Variants in FOXO1 observed in about 807,000 individuals in gnomAD.
FOXO1 encodes the protein forkhead box O1.
FOXO1 carries 6 observed loss-of-function variants against 44.1 expected under a neutral mutation model. The observed-to-expected ratio is 0.14, with a 90% CI of 0.07 to 0.27. FOXO1 has a LOEUF of 0.27. Among genes scored for constraint, FOXO1 ranks in the 10% least tolerant of loss-of-function variants. The pLI, the probability that FOXO1 is intolerant of heterozygous loss-of-function variation, is 1.00. For missense variants in FOXO1, 737 were observed against 888.8 expected (o/e 0.83, Z 2.17); for synonymous variants, 380 against 362.7 (o/e 1.05, Z -0.54).
At chr13:40,567,760 G>C (rs1874324994) in intron 1 of FOXO1, among the ~76,000 whole-genome samples, 1 of 152,064 alleles carries the variant, frequency 6.6e-6, no homozygotes, top group Non-Finnish European at 1.5e-5. Context: ...ACAAGATCAG[G>C]AGTTCGAGAC....
At chr13:40,619,359 T>A in intron 1 of FOXO1, 1 of 612,066 alleles carries the variant, frequency 1.6e-6, no homozygotes. Context: ...CCAGAGAAAG[T>A]TCAAATGAAT....
intron 1 of FOXO1, among the ~76,000 whole-genome samples, chr13:40,590,301 C>A (rs1200412029): frequency 6.6e-6 from 1 of 152,200 alleles, no homozygotes; most frequent in Non-Finnish European, 1.5e-5. Context: ...AACAAAACAA[C>A]ACAACAGGAA....
At chr13:40,624,337 A>AAAAG (rs1876716894) in intron 1 of FOXO1, among the ~76,000 whole-genome samples, 1 of 149,192 alleles carries the variant, frequency 6.7e-6, no homozygotes, top group Non-Finnish European at 1.5e-5. Context: ...AAAAAAAAAA[A>AAAAG]AAGATCACTC....
chr13:40,628,414 G>A lies in FOXO1; in HGVS notation c.630+37169C>T, dbSNP rs7331914. Among the ~76,000 whole-genome samples the A allele has an allele frequency of 3.7e-3, 563 of 150,994 alleles. 4 individuals are homozygous for A. Among genetic ancestry groups the A allele is most frequent in the African/African-American group, 0.011 (456 of 40,978 alleles). ...ACCCCGTGAGGGTTTCAGTCTTCCC[G>A]GGCACTCTCGCAACTTGTCTGGACA... On this transcript the variant is annotated intron_variant, in intron 1 of 2. Coordinates refer to ENST00000379561, the MANE Select transcript of FOXO1 (RefSeq NM_002015.4).
At chr13:40,593,085 G>A (rs904783361) in intron 1 of FOXO1, among the ~76,000 whole-genome samples, 2 of 152,046 alleles carry the variant, frequency 1.3e-5, no homozygotes, top group African/African-American at 2.4e-5. Flanking sequence ...GTGCAGTGGC[G>A]TGATCATTGC....
At chr13:40,600,087 G>A (rs55708275) in intron 1 of FOXO1, among the ~76,000 whole-genome samples, 32,640 of 151,988 alleles carry the variant, frequency 0.21, 5,198 homozygotes, top group East Asian at 0.64. Flanking sequence ...CTGACCCAGC[G>A]CTGAAAACTA....
At chr13:40,575,143 G>A (rs1874694729) in intron 1 of FOXO1, among the ~76,000 whole-genome samples, 1 of 151,782 alleles carries the variant, frequency 6.6e-6, no homozygotes, top group African/African-American at 2.4e-5. Flanking sequence ...ACCAGCCTGG[G>A]CAACACAATG....
intron 1 of FOXO1, among the ~76,000 whole-genome samples, chr13:40,563,226 G>A (rs1874112552): frequency 6.6e-6 from 1 of 152,174 alleles, no homozygotes; most frequent in African/African-American, 2.4e-5. Context: ...GCCAACCACT[G>A]CGCCTGAGCA....
chr13:40,605,670 T>C (rs1875969742), intron 1 of FOXO1, among the ~76,000 whole-genome samples: 1 of 152,180 alleles, frequency 6.6e-6, no homozygotes, highest in Non-Finnish European at 1.5e-5. Context: ...CACTCTGTTT[T>C]TTCCTGGTTC....
chr13:40,653,672 C>G (rs1877758842), intron 1 of FOXO1, among the ~76,000 whole-genome samples: 1 of 152,170 alleles, frequency 6.6e-6, no homozygotes, highest in Non-Finnish European at 1.5e-5. Flanking sequence ...TTTTTTACTG[C>G]AGTTACAAAA....
At position 40,556,021 on chromosome 13, in the gene FOXO1, T is replaced by C. The variant is rs1219357139; in HGVS notation, c.*3028A>G. 2 of 152,296 alleles carry C rather than the reference T, an allele frequency of 1.3e-5. No homozygotes were observed. The highest frequency in any genetic ancestry group is 2.9e-5 in the Non-Finnish European group (2 of 68,038). The allele number at this position is 152,296 out of a possible 1,614,324, so 9.4% of individuals were successfully genotyped here. ...CCAACTGTAATGCCAGGTTGGTCTG[T>C]TCGCATAAACCACAATACATTTTTT... is the stretch of plus-strand genomic sequence containing the variant. On this transcript the variant is annotated 3_prime_UTR_variant, in exon 3 of 3. Coordinates refer to ENST00000379561, the MANE Select transcript of FOXO1 (RefSeq NM_002015.4).
chr13:40,651,398 G>A (rs1021392435), intron 1 of FOXO1, among the ~76,000 whole-genome samples: 1 of 152,102 alleles, frequency 6.6e-6, no homozygotes, highest in Non-Finnish European at 1.5e-5. Context: ...GAGCACAGAG[G>A]TCACAGCAGG....
At chr13:40,599,244 G>C (rs1003604265) in intron 1 of FOXO1, among the ~76,000 whole-genome samples, 1 of 150,470 alleles carries the variant, frequency 6.6e-6, no homozygotes, top group African/African-American at 2.4e-5. Context: ...TCCAAGGTCT[G>C]TTTGCAGAGT....
chr13:40,665,956 G>T lies in FOXO1; in HGVS notation c.257C>A (p.Ala86Glu). The T allele has an allele frequency of 8.1e-7, 1 of 1,227,868 alleles. No homozygotes were observed. The highest frequency in any genetic ancestry group is 1.0e-6 in the Non-Finnish European group (1 of 988,098). The allele number at this position is 1,227,868 out of a possible 1,614,324, so 76.1% of individuals were successfully genotyped here. The part of the protein sequence containing the change: ...LLEESEDFPQ[A>E]PGSVAAAVAA... ...CACCGCCGCCGCCACGGAGCCGGGC[G>T]CCTGCGGGAAGTCCTCGCTCTCCTC... The change falls in exon 1 of 3, where the codon GCG (alanine) becomes GAG (glutamate). Residue 86 changes from alanine (A) to glutamate (E), a missense_variant. Coordinates refer to ENST00000379561, the MANE Select transcript of FOXO1 (RefSeq NM_002015.4).
At chr13:40,566,337 C>A (rs1222714091) in intron 1 of FOXO1, among the ~76,000 whole-genome samples, 1 of 152,014 alleles carries the variant, frequency 6.6e-6, no homozygotes, top group Non-Finnish European at 1.5e-5. Context: ...TCATCAGCCA[C>A]TGAAGTGCAG....
Position 40,587,615 on chromosome 13 carries a change from C to T in FOXO1, c.631-26755G>A, listed in dbSNP as rs1306739542. ...TACTAGGATGGCCCCAAAGACAGTC[C>T]ATCTATACCTAAAGCACGGCTCAAG... is the stretch of plus-strand genomic sequence containing the variant. On this transcript the variant is annotated intron_variant, in intron 1 of 2. Transcript: ENST00000379561. Among the ~76,000 whole-genome samples, 5 of 152,284 alleles carry T rather than the reference C, an allele frequency of 3.3e-5. No individual in the cohort carries two copies. The South Asian group carries it at 1.0e-3, about 32-fold the overall frequency.
chr13:40,560,636 C>G lies in FOXO1; in HGVS notation c.855G>C (p.Gly285=). The change falls in exon 2 of 3, where the codon GGG becomes GGC. Residue 285 remains glycine (G), a synonymous_variant. Transcript: ENST00000379561. The surrounding 1 kb of genome is among the most constrained non-coding windows in gnomAD (Gnocchi z 5.1). ...ASLQSGQEGA[G]DSPGSQFSKW... ...TGGAAAACTGTGATCCAGGGCTGTC[C>G]CCAGCACCCTCCTGGCCAGACTGGA... 2 of 1,614,134 alleles carry G rather than the reference C, an allele frequency of 1.2e-6. No homozygotes were observed. Among genetic ancestry groups the G allele is most frequent in the Non-Finnish European group, 1.7e-6 (2 of 1,180,006 alleles).
chr13:40,592,871 G>A (rs1011025729), intron 1 of FOXO1, among the ~76,000 whole-genome samples: 2 of 152,126 alleles, frequency 1.3e-5, no homozygotes, highest in Admixed American at 6.5e-5. Context: ...GGTCTCACAT[G>A]ATCAAACATA....
In FOXO1 at chr13:40,584,469, C is replaced by CAAAAAAAAAAAAAA. The variant is rs55733141; in HGVS notation, c.631-23623_631-23610dup. On this transcript the variant is annotated intron_variant, in intron 1 of 2. Transcript: ENST00000379561. ...AGAAATTCTATCTCCACAAAAAATG[C>CAAAAAAAAAAAAAA]AAAAAAAAAAAAAAAAAAAAAAAAA... Among the ~76,000 whole-genome samples the CAAAAAAAAAAAAAA allele has an allele frequency of 2.2e-3, 138 of 63,096 alleles. 12 individuals carry two copies. The highest frequency in any genetic ancestry group is 2.9e-3 in the Non-Finnish European group (110 of 37,876). The allele number at this position is 63,096 out of a possible 152,430, so 41.4% of individuals were successfully genotyped here.
Sources: gnomAD v4.1 joint callset for allele counts (sites outside exome capture counted in the v4.1 genomes callset) on GRCh38, gnomAD v4.1.1 for gene constraint, Gnocchi (gnomAD v3.1) non-coding constraint, MANE v1.5 for transcripts, NCBI Gene and HGNC (gene_info 2026-07-23, HGNC 2026-07-21) for gene names.